SLC17A1: variants seen among roughly 807,000 people sequenced by gnomAD.
SLC17A1 encodes the protein solute carrier family 17 member 1, also known as sodium-dependent phosphate transport protein 1.
SLC17A1 carries 51 observed loss-of-function variants against 53.5 expected under a neutral mutation model. That is an observed-to-expected ratio of 0.95 (90% confidence interval 0.76 to 1.20). SLC17A1 has a LOEUF of 1.20. SLC17A1 is among the 50% of genes most tolerant of loss of function. The pLI, the probability that SLC17A1 is intolerant of heterozygous loss-of-function variation, is 0.00. For missense variants in SLC17A1, 538 were observed against 568.2 expected, an observed-to-expected ratio of 0.95 and a Z score of 0.54; for synonymous variants, 179 against 198.8, an observed-to-expected ratio of 0.90 and a Z score of 0.84.
chr6:25,730,326 C>T, the SLC17A1 span, among the ~76,000 whole-genome samples: 3 of 152,010 alleles, frequency 2.0e-5, no homozygotes, highest in Non-Finnish European at 4.4e-5. Context: ...TACTATTTGG[C>T]CTCAAAAAAG....
the SLC17A1 span, among the ~76,000 whole-genome samples, chr6:25,743,461 AGCATAG>A: frequency 3.3e-5 from 5 of 152,208 alleles, no homozygotes; most frequent in African/African-American, 1.2e-4. Context: ...ACCAATTCAA[AGCATAG>A]GAAAATATAG....
the SLC17A1 span, chr6:25,761,915 T>G: frequency 6.7e-7 from 1 of 1,486,986 alleles, no homozygotes; most frequent in Non-Finnish European, 9.3e-7. Context: ...TTTTGTATTC[T>G]TTTTATTTCA....
chr6:25,794,369 T>C (rs1227027515), intron 12 of SLC17A1, among the ~76,000 whole-genome samples: 3 of 152,182 alleles, frequency 2.0e-5, no homozygotes, highest in Non-Finnish European at 2.9e-5. Context: ...CTTTTTAGTA[T>C]CTTGATAACT....
At chr6:25,815,954 C>A (rs941439779) in intron 6 of SLC17A1, among the ~76,000 whole-genome samples, 1 of 148,170 alleles carries the variant, frequency 6.7e-6, no homozygotes, top group African/African-American at 2.5e-5. Flanking sequence ...AAAGGTGAAA[C>A]GGCACAGTTA....
chr6:25,799,034 A>T (rs1435189309), intron 11 of SLC17A1, 115 bp from the exon 12 acceptor site: 1 of 985,556 alleles, frequency 1.0e-6, no homozygotes. Flanking sequence ...AATATGGAAA[A>T]ACATACTTAT....
At chr6:25,773,742 T>C in the SLC17A1 span, 1 of 1,529,748 alleles carries the variant, frequency 6.5e-7, no homozygotes, top group Non-Finnish European at 8.9e-7. Context: ...TCATATATAA[T>C]CCTCTGTCTG....
the SLC17A1 span, among the ~76,000 whole-genome samples, chr6:25,740,684 C>G: frequency 1.3e-5 from 2 of 152,084 alleles, no homozygotes; most frequent in Non-Finnish European, 2.9e-5. Flanking sequence ...AAATGAATCT[C>G]AATTCTAACA....
chr6:25,810,751 G>A (rs1764125331), intron 10 of SLC17A1, among the ~76,000 whole-genome samples: 1 of 152,126 alleles, frequency 6.6e-6, no homozygotes, highest in Admixed American at 6.6e-5. Flanking sequence ...CCACTCCTGG[G>A]TGTCTATCCA....
At chr6:25,789,781 T>C (rs1763461953) in intron 12 of SLC17A1, among the ~76,000 whole-genome samples, 2 of 151,726 alleles carry the variant, frequency 1.3e-5, no homozygotes, top group African/African-American at 2.4e-5. Flanking sequence ...TAAAGAGACA[T>C]GGCAACTAAA....
At chr6:25,731,921 C>G in the SLC17A1 span, 1 of 1,602,006 alleles carries the variant, frequency 6.2e-7, no homozygotes. Context: ...CATAATGCGC[C>G]AGGCGGGAAG....
chr6:25,755,040 CACACACAT>C, the SLC17A1 span, among the ~76,000 whole-genome samples: 3 of 88,434 alleles, frequency 3.4e-5, no homozygotes, highest in East Asian at 4.6e-4. Context: ...CAGACAGACA[CACACACAT>C]ACACACACAC....
the SLC17A1 span, among the ~76,000 whole-genome samples, chr6:25,752,969 C>CA: frequency 5.9e-4 from 86 of 146,494 alleles, no homozygotes; most frequent in Non-Finnish European, 7.4e-4. Context: ...CAAAAAAAAA[C>CA]AAAAAAAAAA....
At chr6:25,813,248 CTGTT>C (rs1764223744) in intron 6 of SLC17A1, 35 bp from the exon 7 acceptor site, 3 of 1,523,572 alleles carry the variant, frequency 2.0e-6, no homozygotes, top group Non-Finnish European at 2.7e-6. Context: ...TTGGAAGTCT[CTGTT>C]TGTAGTGGAT....
chr6:25,807,301 G>C (rs1319012448), intron 10 of SLC17A1, among the ~76,000 whole-genome samples: 1 of 152,092 alleles, frequency 6.6e-6, no homozygotes, highest in Non-Finnish European at 1.5e-5. Flanking sequence ...CCCATCAACT[G>C]ATGCGTGTAT....
At chr6:25,727,648 A>C in the SLC17A1 span, among the ~76,000 whole-genome samples, 1 of 151,922 alleles carries the variant, frequency 6.6e-6, no homozygotes, top group Non-Finnish European at 1.5e-5. Flanking sequence ...CGGTCTCCCA[A>C]AGTGCTGGGA....
chr6:25,737,344 G>T, the SLC17A1 span, among the ~76,000 whole-genome samples: 1 of 152,014 alleles, frequency 6.6e-6, no homozygotes, highest in Non-Finnish European at 1.5e-5. Context: ...CTCAGAAGTG[G>T]ACTCAGCTTC....
the SLC17A1 span, chr6:25,732,153 G>A: frequency 2.2e-6 from 1 of 454,932 alleles, no homozygotes. Flanking sequence ...TTTGAAGCAA[G>A]CTCCAGCATG....
At chr6:25,800,790 T>G in intron 11 of SLC17A1, 100 bp downstream of exon 11, 2 of 730,782 alleles carry the variant, frequency 2.7e-6, no homozygotes. Context: ...AACTCATAAG[T>G]CATCTCCTTC....
the SLC17A1 span, among the ~76,000 whole-genome samples, chr6:25,724,697 A>G: frequency 6.6e-6 from 1 of 152,350 alleles, no homozygotes; most frequent in East Asian, 1.9e-4. Flanking sequence ...CTTTCTTGAC[A>G]AAGTATCTAC....
Sources: gnomAD v4.1 joint callset for allele counts (sites outside exome capture counted in the v4.1 genomes callset) on GRCh38, gnomAD v4.1.1 for gene constraint, MANE v1.5 for transcripts, NCBI Gene and HGNC (gene_info 2026-07-23, HGNC 2026-07-21) for gene names.